Variants in AP3B1 observed in about 807,000 individuals in gnomAD.
AP3B1 encodes the protein AP-3 complex subunit beta-1.
AP3B1 carries 61 observed loss-of-function variants against 132.5 expected under a neutral mutation model. The ratio of observed to expected loss-of-function variants is 0.46; its 90% confidence interval spans 0.37 to 0.57. AP3B1 has a LOEUF of 0.57. Among genes scored for constraint, AP3B1 ranks in the 20% least tolerant of loss-of-function variants. The pLI, the probability that AP3B1 is intolerant of heterozygous loss-of-function variation, is 0.00. For missense variants in AP3B1, 1,120 were observed against 1,289.4 expected (o/e 0.87, Z 2.01); for synonymous variants, 388 against 438.3 (o/e 0.89, Z 1.43).
chr5:78,177,376 T>G lies in AP3B1; in HGVS notation c.1003A>C (p.Ile335Leu), dbSNP rs1411715869. The G allele has an allele frequency of 6.2e-7, 1 of 1,613,964 alleles. No homozygotes were observed. The highest frequency in any genetic ancestry group is 1.7e-5 in the Admixed American group (1 of 60,020). The change falls in exon 9 of 27, where the codon ATT becomes CTT. Residue 335 changes from isoleucine to leucine, a missense_variant. Physicochemically the swap from Ile to Leu is conservative, Grantham distance 5. Transcript: ENST00000255194. Reference protein sequence around the residue: ...HISPKSEAGIISKSLVRLLRS... With the variant: ...HISPKSEAGILSKSLVRLLRS... ...AGTAAACGCACTAGTGATTTAGAAATTATGCCAGCTTCAGATTTTGGTGAT... is the reference window on the plus strand; with the variant it reads ...AGTAAACGCACTAGTGATTTAGAAAGTATGCCAGCTTCAGATTTTGGTGAT...
In AP3B1 at chr5:78,088,410, G is replaced by A. The variant is rs553463673; in HGVS notation, c.2577+983C>T. 9.9e-5 allele frequency among the ~76,000 whole-genome samples: 15 copies of A among 152,254 alleles called. No individual in the cohort carries two copies. In the East Asian group the frequency reaches 2.9e-3, roughly 29 times the overall value. On this transcript the variant is annotated intron_variant, in intron 22 of 26. Coordinates refer to ENST00000255194, the MANE Select transcript of AP3B1 (RefSeq NM_003664.5). ...AACTTTTCACCTGTACTTTCTGAGCGAGGTGACCAATGTTGAACAGAAATG... is the reference window on the plus strand; with the variant it reads ...AACTTTTCACCTGTACTTTCTGAGCAAGGTGACCAATGTTGAACAGAAATG...
chr5:78,138,140 T>C (rs1172309387), intron 15 of AP3B1, among the ~76,000 whole-genome samples: 2 of 152,204 alleles, frequency 1.3e-5, no homozygotes, highest in Non-Finnish European at 2.9e-5. Context: ...AAAAATTCTA[T>C]CAAGTTGATA....
chr5:78,266,893 A>G (rs1422492761), intron 2 of AP3B1, among the ~76,000 whole-genome samples: 1 of 152,098 alleles, frequency 6.6e-6, no homozygotes, highest in Non-Finnish European at 1.5e-5. Flanking sequence ...TACAACTAGA[A>G]CCCTGGAAAA....
At chr5:78,182,633 C>T (rs759170328) in intron 7 of AP3B1, among the ~76,000 whole-genome samples, 18 of 152,074 alleles carry the variant, frequency 1.2e-4, no homozygotes, top group Admixed American at 3.3e-4. Context: ...CCACCAGAAC[C>T]GCTCTCTCTA....
At chr5:78,145,189 C>A (rs562624205) in intron 14 of AP3B1, among the ~76,000 whole-genome samples, 2 of 152,168 alleles carry the variant, frequency 1.3e-5, no homozygotes, top group Non-Finnish European at 2.9e-5. Flanking sequence ...TCAATTATTA[C>A]TAAATAACCA....
intron 2 of AP3B1, among the ~76,000 whole-genome samples, chr5:78,242,378 G>A (rs1177458741): frequency 6.6e-6 from 1 of 151,340 alleles, no homozygotes; most frequent in Non-Finnish European, 1.5e-5. Flanking sequence ...CTAACACCTG[G>A]GCCACTGTGT....
intron 22 of AP3B1, among the ~76,000 whole-genome samples, chr5:78,053,675 T>C (rs1748681475): frequency 2.7e-5 from 2 of 73,262 alleles, no homozygotes; most frequent in Admixed American, 2.0e-4. Context: ...CAAGACTCCA[T>C]CTCAAAAAAA....
chr5:78,079,438 C>T (rs1318932578), intron 22 of AP3B1, among the ~76,000 whole-genome samples: 2 of 152,032 alleles, frequency 1.3e-5, no homozygotes, highest in African/African-American at 4.8e-5. Flanking sequence ...AAAAGACCTA[C>T]CATGGAGCAA....
intron 19 of AP3B1, 91 bp downstream of exon 19, chr5:78,113,661 C>T: frequency 4.9e-6 from 7 of 1,428,064 alleles, no homozygotes; most frequent in Admixed American, 3.6e-5. Flanking sequence ...CTTTTTTTCT[C>T]TCACCATTTT....
intron 1 of AP3B1, among the ~76,000 whole-genome samples, chr5:78,281,957 T>C (rs186258509): frequency 1.6e-3 from 242 of 152,228 alleles, no homozygotes; most frequent in Admixed American, 3.0e-3. Context: ...TTTACCATAA[T>C]TAAAAATAAA....
intron 7 of AP3B1, among the ~76,000 whole-genome samples, chr5:78,193,911 C>T (rs956463086): frequency 6.6e-6 from 1 of 151,114 alleles, no homozygotes; most frequent in Non-Finnish European, 1.5e-5. Flanking sequence ...CCTGCCACCA[C>T]ACCCGGCTAA....
intron 7 of AP3B1, among the ~76,000 whole-genome samples, chr5:78,182,173 T>G (rs2112415506): frequency 1.3e-5 from 2 of 152,356 alleles, no homozygotes; most frequent in South Asian, 4.1e-4. Flanking sequence ...AGTTTGAGAT[T>G]TATAAATATC....
At chr5:78,127,425 G>A (rs1212484727) in intron 17 of AP3B1, among the ~76,000 whole-genome samples, 1 of 152,074 alleles carries the variant, frequency 6.6e-6, no homozygotes, top group Non-Finnish European at 1.5e-5. Context: ...AGAAAAGAAT[G>A]TTAATTCTTT....
chr5:78,054,750 A>C (rs1293762176), intron 22 of AP3B1, among the ~76,000 whole-genome samples: 1 of 152,198 alleles, frequency 6.6e-6, no homozygotes, highest in African/African-American at 2.4e-5. Flanking sequence ...CCCTTGATGA[A>C]GGATGCGGAT....
chr5:78,197,636 G>C (rs987009700), intron 7 of AP3B1, among the ~76,000 whole-genome samples: 5 of 152,088 alleles, frequency 3.3e-5, no homozygotes. Flanking sequence ...GATACAGGGA[G>C]ACTTATTTTA....
At chr5:78,262,126 A>G (rs1233990856) in intron 2 of AP3B1, among the ~76,000 whole-genome samples, 1 of 152,122 alleles carries the variant, frequency 6.6e-6, no homozygotes, top group Admixed American at 6.5e-5. Context: ...CTGGATATCA[A>G]TCCTTTATCA....
intron 22 of AP3B1, among the ~76,000 whole-genome samples, chr5:78,049,323 C>CA (rs1748479859): frequency 6.6e-6 from 1 of 152,182 alleles, no homozygotes; most frequent in South Asian, 2.1e-4. Flanking sequence ...ACCGTTATTT[C>CA]AAACACAAAG....
intron 24 of AP3B1, among the ~76,000 whole-genome samples, chr5:78,027,916 A>C (rs1235970674): frequency 1.3e-5 from 2 of 152,152 alleles, no homozygotes; most frequent in Non-Finnish European, 2.9e-5. Flanking sequence ...ACCTGAGGTC[A>C]GGAGTTCAAG....
intron 24 of AP3B1, among the ~76,000 whole-genome samples, chr5:78,027,449 T>C (rs1004505484): frequency 6.6e-6 from 1 of 152,068 alleles, no homozygotes; most frequent in African/African-American, 2.4e-5. Flanking sequence ...AATAAAAATA[T>C]TCTTGTGGCT....
Sources: gnomAD v4.1 joint callset for allele counts (sites outside exome capture counted in the v4.1 genomes callset) on GRCh38, gnomAD v4.1.1 for gene constraint, MANE v1.5 for transcripts, NCBI Gene and HGNC (gene_info 2026-07-23, HGNC 2026-07-21) for gene names.